The following NCAM1 variants were observed in gnomAD, a reference collection of about 807,000 sequenced individuals.
The protein encoded by NCAM1 is antigen recognized by monoclonal antibody 5.1H11.
Under a neutral mutation model 109.8 loss-of-function variants are expected in NCAM1, and 14 were observed. That is an observed-to-expected ratio of 0.13 (90% CI 0.08 to 0.20). The LOEUF is 0.20. Ranked by LOEUF, NCAM1 falls within the 10% of genes least tolerant of loss-of-function variation. NCAM1 has a pLI of 1.00. For synonymous variants in NCAM1, 418 were observed against 442.9 expected (o/e 0.94, Z 0.70); for missense variants, 774 against 1,109.9 (o/e 0.70, Z 4.30).
chr11:113,234,518 C>T (rs1393027481), intron 13 of NCAM1, among the ~76,000 whole-genome samples: 5 of 152,170 alleles, frequency 3.3e-5, no homozygotes, highest in Non-Finnish European at 5.9e-5. Context: ...TTCTAAGTAC[C>T]TCACATAAGT....
intron 1 of NCAM1, among the ~76,000 whole-genome samples, chr11:113,187,099 A>G (rs1277253508): frequency 6.6e-6 from 1 of 152,246 alleles, no homozygotes; most frequent in Non-Finnish European, 1.5e-5. Context: ...CCAGGTAAGG[A>G]GAAGCCTCAT....
chr11:113,130,247 T>G (rs1216708347), intron 1 of NCAM1, among the ~76,000 whole-genome samples: 1 of 152,348 alleles, frequency 6.6e-6, no homozygotes, highest in African/African-American at 2.4e-5. Flanking sequence ...TGGAATTAAC[T>G]TTTTTAAAAA....
Position 113,131,707 on chromosome 11 carries a change from T to G in NCAM1, c.53-70672T>G, listed in dbSNP as rs78455702. On this transcript the variant is annotated intron_variant, in intron 1 of 19. Transcript: ENST00000316851. ...TCCAGGATGTCAAATCTCTGCTGTC[T>G]TCCCCCAGACGTCCCCAGCCAGGCA... 4.0e-3 allele frequency among the ~76,000 whole-genome samples: 605 copies of G among 152,290 alleles called. 2 individuals are homozygous for G. The highest frequency in any genetic ancestry group is 0.014 in the African/African-American group (573 of 41,572).
chr11:112,972,476 G>T (rs1555066996), intron 1 of NCAM1, among the ~76,000 whole-genome samples: 1 of 152,082 alleles, frequency 6.6e-6, no homozygotes, highest in African/African-American at 2.4e-5. Flanking sequence ...GCCTAGGTTA[G>T]AAAAGTATAA....
At position 113,274,682 on chromosome 11, in the gene NCAM1, C is replaced by A. The variant is rs1946367232; in HGVS notation, c.2457-585C>A. ...AGGCCCACTCTAGTACCCCACCAGG[C>A]TGCCATGAAAAGCTGCCTCCATCAG... is the stretch of plus-strand genomic sequence containing the variant. On this transcript the variant is annotated intron_variant, in intron 19 of 19. Transcript: ENST00000316851. The surrounding 1 kb of genome is among the most constrained non-coding windows in gnomAD (Gnocchi z 4.1). 6.6e-6 allele frequency among the ~76,000 whole-genome samples: 1 copy of A among 152,206 alleles called. No homozygotes were observed. The highest frequency in any genetic ancestry group is 2.4e-5 in the African/African-American group (1 of 41,452).
chr11:113,222,753 T>G (rs546349648), intron 9 of NCAM1, among the ~76,000 whole-genome samples: 1 of 152,266 alleles, frequency 6.6e-6, no homozygotes, highest in African/African-American at 2.4e-5. Context: ...ATTAAGGAGA[T>G]GTTAAGAGAA....
chr11:113,179,461 T>C, intron 1 of NCAM1, among the ~76,000 whole-genome samples: 1 of 152,248 alleles, frequency 6.6e-6, no homozygotes, highest in East Asian at 1.9e-4. Flanking sequence ...TGGAAAATTA[T>C]CTTTGCCTCA....
At position 113,241,810 on chromosome 11, in the gene NCAM1, G is replaced by T. The variant is rs144186126; in HGVS notation, c.1826-4558G>T. ...GTGGCAGACAGCAGCAAATGGGCAG[G>T]CAGGGTGGTGCCGCCTGGCTGGCTT... is the stretch of plus-strand genomic sequence containing the variant. On this transcript the variant is annotated intron_variant, in intron 14 of 19. Transcript: ENST00000316851. 1.1e-3 allele frequency among the ~76,000 whole-genome samples: 175 copies of T among 152,336 alleles called. 2 individuals are homozygous for T. In the East Asian group the frequency reaches 0.025, roughly 22 times the overall value.
chr11:113,215,407 C>T (rs1369021827), intron 8 of NCAM1, among the ~76,000 whole-genome samples: 1 of 152,058 alleles, frequency 6.6e-6, no homozygotes, highest in Non-Finnish European at 1.5e-5. Context: ...GGAATAATGG[C>T]CTTAGCCTTA....
At chr11:113,025,814 AGAGAGAGAGG>A (rs1555077198) in intron 1 of NCAM1, among the ~76,000 whole-genome samples, 3 of 150,296 alleles carry the variant, frequency 2.0e-5, no homozygotes, top group Admixed American at 6.7e-5. Flanking sequence ...AGAGAGAGAG[AGAGAGAGAGG>A]GAGAGAGAGA....
chr11:113,161,237 G>A (rs1394108561), intron 1 of NCAM1, among the ~76,000 whole-genome samples: 1 of 151,996 alleles, frequency 6.6e-6, no homozygotes, highest in Non-Finnish European at 1.5e-5. Flanking sequence ...TAAACTACAG[G>A]GAGTTTCTTT....
At chr11:113,205,420 C>T (rs188243339) in intron 3 of NCAM1, 103 bp from the exon 4 acceptor site, 14 of 1,421,070 alleles carry the variant, frequency 9.9e-6, no homozygotes, top group Middle Eastern at 1.9e-4. Context: ...ACATCAGGAT[C>T]GAGACTTGCC....
intron 1 of NCAM1, among the ~76,000 whole-genome samples, chr11:112,961,924 G>T (rs1477097648): frequency 1.3e-5 from 2 of 152,094 alleles, no homozygotes; most frequent in Admixed American, 6.5e-5. Flanking sequence ...CACTTTGTGC[G>T]CCCGCGGCGG....
At chr11:113,229,611 C>A (rs1482388744) in intron 9 of NCAM1, among the ~76,000 whole-genome samples, 1 of 152,212 alleles carries the variant, frequency 6.6e-6, no homozygotes, top group African/African-American at 2.4e-5. Flanking sequence ...ACAAATCATT[C>A]TGCTATAAAG....
chr11:113,206,260 G>C (rs1975259), intron 5 of NCAM1, 80 bp downstream of exon 5: 476,174 of 1,445,706 alleles, frequency 0.33, 80,685 homozygotes, highest in African/African-American at 0.47. Context: ...ACTTCCTCTT[G>C]GGTCTGTAAA....
chr11:113,160,725 A>G (rs1942573841), intron 1 of NCAM1, among the ~76,000 whole-genome samples: 1 of 152,200 alleles, frequency 6.6e-6, no homozygotes, highest in Admixed American at 6.5e-5. Context: ...TTGCAGTTGC[A>G]GATGGCTGTA....
chr11:113,186,365 C>A (rs145788319), intron 1 of NCAM1, among the ~76,000 whole-genome samples: 1 of 152,256 alleles, frequency 6.6e-6, no homozygotes, highest in East Asian at 1.9e-4. Context: ...CAGTTTCAGC[C>A]CAAAACCACC....
intron 17 of NCAM1, chr11:113,262,965 T>G (rs782389477): frequency 3.8e-6 from 6 of 1,597,724 alleles, no homozygotes. Context: ...AAAAGCCCAG[T>G]TCCTATGAAA....
At chr11:112,968,851 T>C (rs1167471461) in intron 1 of NCAM1, among the ~76,000 whole-genome samples, 1 of 152,164 alleles carries the variant, frequency 6.6e-6, no homozygotes, top group Non-Finnish European at 1.5e-5. Flanking sequence ...TCAACAAACA[T>C]TGAATTACAA....
Sources: gnomAD v4.1 joint callset for allele counts (sites outside exome capture counted in the v4.1 genomes callset) on GRCh38, gnomAD v4.1.1 for gene constraint, Gnocchi (gnomAD v3.1) non-coding constraint, MANE v1.5 for transcripts, NCBI Gene and HGNC (gene_info 2026-07-23, HGNC 2026-07-21) for gene names.